CUL9: variants seen among roughly 807,000 people sequenced by gnomAD.
CUL9 encodes cullin 9, also known as cullin-9.
CUL9 carries 79 observed loss-of-function variants against 272.6 expected under a neutral mutation model. The observed-to-expected ratio is 0.29, with a 90% CI of 0.24 to 0.35. The LOEUF (loss-of-function observed/expected upper bound fraction) is 0.35, where lower values mean the gene tolerates loss of function less well. CUL9 is among the 10% of genes least tolerant of loss of function. The probability of loss-of-function intolerance (pLI) is 1.00; values close to 1 mark genes in which losing one functional copy is unlikely to be tolerated. For missense variants in CUL9, 2,532 were observed against 3,255.6 expected (o/e 0.78, Z 5.41); for synonymous variants, 1,186 against 1,286.5 (o/e 0.92, Z 1.67).
At position 43,223,495 on chromosome 6, in the gene CUL9, A is replaced by G; in HGVS notation, c.7284+98A>G. 1 of 1,447,784 alleles carries G rather than the reference A, an allele frequency of 6.9e-7. No individual in the cohort carries two copies. 89.7% of individuals were successfully genotyped at this position (1,447,784 alleles called of 1,614,324 possible). ...CCTGCCCTGGGGCGAGTCCAGAAGGAAAGGCAGCAAAGCGGGTGAATGGAT... is the reference window on the plus strand; with the variant it reads ...CCTGCCCTGGGGCGAGTCCAGAAGGGAAGGCAGCAAAGCGGGTGAATGGAT... On this transcript the variant is annotated intron_variant, in intron 39 of 40. Transcript: ENST00000252050. The surrounding 1 kb of genome is among the most constrained non-coding windows in gnomAD (Gnocchi z 4.1).
rs1428395636 is a variant in CUL9, at chr6:43,206,163, C to G, written c.4950C>G (p.Phe1650Leu). The G allele has an allele frequency of 2.5e-6, 4 of 1,614,040 alleles. No individual in the cohort carries two copies. The highest frequency in any genetic ancestry group is 3.4e-6 in the Non-Finnish European group (4 of 1,179,972). Reference sequence around the variant, plus strand: ...AGCTGCAGCGCCAGTTCCACCTCTTCCAGCTCCAGCGGCTCGACAAGTTGT... The same window carrying G: ...AGCTGCAGCGCCAGTTCCACCTCTTGCAGCTCCAGCGGCTCGACAAGTTGT... Reference protein sequence around the residue: ...SEELQRQFHLFQLQRLDKLFL... With the variant: ...SEELQRQFHLLQLQRLDKLFL... Residue 1650 changes from phenylalanine to leucine, a missense_variant, in exon 25 of 41, where the codon TTC becomes TTG. Around this residue, in one of 3 missense-constraint regions of CUL9, gnomAD observed 2,218 missense variants for 2,788.6 expected, o/e 0.80. Transcript: ENST00000252050. The surrounding 1 kb of genome is among the most constrained non-coding windows in gnomAD (Gnocchi z 4.8).
In CUL9 at chr6:43,224,426, A is replaced by T. The variant is rs143866195; in HGVS notation, c.7535A>T (p.Glu2512Val). ...TFFFGDEEED[E>V]DEAYD The stretch of plus-strand genomic sequence containing the variant: ...TTCTTTGGTGATGAGGAAGAGGATG[A>T]AGATGAGGCCTATGACTGAGGGGGC... The change falls in exon 41 of 41, where the codon GAA becomes GTA. Residue 2512 changes from glutamate (E) to valine (V), a missense_variant. Glu to Val is a moderately radical substitution (Grantham distance 121, BLOSUM62 -2). Transcript: ENST00000252050. The surrounding 1 kb of genome is among the most constrained non-coding windows in gnomAD (Gnocchi z 4.2). 4 of 1,613,834 alleles carry T rather than the reference A, an allele frequency of 2.5e-6. No individual in the cohort carries two copies. In the African/African-American group the frequency reaches 4.0e-5, roughly 16 times the overall value.
At chr6:43,217,642 T>A (rs1050040657) in intron 31 of CUL9, among the ~76,000 whole-genome samples, 3 of 152,348 alleles carry the variant, frequency 2.0e-5, no homozygotes, top group East Asian at 3.9e-4. Context: ...TGTGTGCACG[T>A]GCATGCGTGT....
chr6:43,192,888 G>T, intron 8 of CUL9, 113 bp from the exon 9 acceptor site: 1 of 875,752 alleles, frequency 1.1e-6, no homozygotes, highest in Non-Finnish European at 1.8e-6. Flanking sequence ...GGGCAGAGAG[G>T]ATGGACTAGA....
intron 9 of CUL9, among the ~76,000 whole-genome samples, chr6:43,193,797 G>A (rs1052116199): frequency 6.6e-6 from 1 of 152,194 alleles, no homozygotes; most frequent in Non-Finnish European, 1.5e-5. Flanking sequence ...GTTGCAGGAG[G>A]AGGAGATATG....
At chr6:43,215,435 T>G in intron 30 of CUL9, 109 bp downstream of exon 30, 1 of 1,425,646 alleles carries the variant, frequency 7.0e-7, no homozygotes, top group South Asian at 1.4e-5. Context: ...GATCCCCTTT[T>G]CCCTATCCCT....
intron 1 of CUL9, among the ~76,000 whole-genome samples, 173 bp downstream of exon 1, chr6:43,182,422 C>A (rs1046071430): frequency 6.6e-6 from 1 of 151,792 alleles, no homozygotes; most frequent in African/African-American, 2.4e-5. Context: ...CCCCTCCCCC[C>A]AAACCCGTTC....
rs187083554 is a variant in CUL9 at position 43,223,782 on chromosome 6, A to G, written c.7285-313A>G. 1.2e-3 allele frequency: 621 copies of G among 512,636 alleles called. 1 individual carries two copies. Among genetic ancestry groups the G allele is most frequent in the African/African-American group, 8.9e-3 (465 of 52,298 alleles). 31.8% of individuals were successfully genotyped at this position (512,636 alleles called of 1,614,324 possible). A position where few individuals can be genotyped will look rare whatever the true frequency, so the allele number is the denominator to read the frequency against. On this transcript the variant is annotated intron_variant, in intron 39 of 40. Coordinates refer to ENST00000252050, the MANE Select transcript of CUL9 (RefSeq NM_015089.4). This position sits in a 1 kb window ranked among gnomAD's most constrained non-coding sequence, Gnocchi z 4.1. Reference sequence around the variant, plus strand: ...CTCTCCCAGGCTCTCTCCAGCTCTAATGCACTGATGCTGAGTCTAAACTGT... The same window carrying G: ...CTCTCCCAGGCTCTCTCCAGCTCTAGTGCACTGATGCTGAGTCTAAACTGT...
At position 43,200,896 on chromosome 6, in the gene CUL9, A is replaced by T; in HGVS notation, c.3647+62A>T. 6.3e-7 allele frequency: 1 copy of T among 1,598,884 alleles called. No homozygotes were observed. The highest frequency in any genetic ancestry group is 8.6e-7 in the Non-Finnish European group (1 of 1,167,964). On this transcript the variant is annotated intron_variant, in intron 16 of 40. Transcript: ENST00000252050. The surrounding 1 kb of genome is among the most constrained non-coding windows in gnomAD (Gnocchi z 4.0). Reference sequence around the variant, plus strand: ...CAGGATACTTCCCCAAAGCACCCAGATACACACAACCCCAGCTATAACCCC... The same window carrying T: ...CAGGATACTTCCCCAAAGCACCCAGTTACACACAACCCCAGCTATAACCCC...
chr6:43,190,833 T>G (rs945220850), intron 8 of CUL9, among the ~76,000 whole-genome samples: 2 of 152,218 alleles, frequency 1.3e-5, no homozygotes, highest in Non-Finnish European at 2.9e-5. Flanking sequence ...TCACTGTCAC[T>G]GTTAAGCAAG....
At chr6:43,192,973 G>A (rs752725075) in intron 8 of CUL9, 28 bp from the exon 9 acceptor site, 1 of 1,608,220 alleles carries the variant, frequency 6.2e-7, no homozygotes, top group Non-Finnish European at 8.5e-7. Context: ...CTTGGGATGG[G>A]GAGCCCCAAT....
intron 16 of CUL9, among the ~76,000 whole-genome samples, chr6:43,202,177 G>T (rs555766156): frequency 1.3e-5 from 2 of 152,214 alleles, no homozygotes; most frequent in African/African-American, 4.8e-5. Context: ...TGAGTGCACG[G>T]AAGTTTTATT....
At position 43,220,622 on chromosome 6, in the gene CUL9, G is replaced by C; in HGVS notation, c.6423+23G>C. 4 of 1,613,508 alleles carry C rather than the reference G, an allele frequency of 2.5e-6. No homozygotes were observed. Among genetic ancestry groups the C allele is most frequent in the Non-Finnish European group, 3.4e-6 (4 of 1,179,664 alleles). On this transcript the variant is annotated intron_variant, in intron 32 of 40. Coordinates refer to ENST00000252050, the MANE Select transcript of CUL9 (RefSeq NM_015089.4). This position sits in a 1 kb window ranked among gnomAD's most constrained non-coding sequence, Gnocchi z 4.9. ...AAGGTATCCCCTCTCGTCTGAGAGA[G>C]GCTCCAGTGCAGAGCCAAAGGAGTG...
intron 4 of CUL9, among the ~76,000 whole-genome samples, 165 bp downstream of exon 4, chr6:43,186,620 G>C (rs1434107577): frequency 6.6e-5 from 10 of 152,184 alleles, no homozygotes; most frequent in Admixed American, 6.5e-4. Context: ...TTGGAGGGCT[G>C]AGAAAATCTG....
Position 43,205,943 on chromosome 6 carries a change from G to A in CUL9, c.4794-64G>A, listed in dbSNP as rs552684819. The A allele has an allele frequency of 3.1e-5, 45 of 1,441,658 alleles. 1 individual carries two copies. The South Asian group carries it at 4.4e-4, about 14-fold the overall frequency. 89.3% of individuals were successfully genotyped at this position (1,441,658 alleles called of 1,614,324 possible). On this transcript the variant is annotated intron_variant, in intron 24 of 40. Transcript: ENST00000252050. The stretch of plus-strand genomic sequence containing the variant: ...GAGGGACAGAGGGACCTACATTCTC[G>A]AGGGGGAGGCTGGGCCACGCTGGCA...
intron 4 of CUL9, 103 bp downstream of exon 4, chr6:43,186,558 C>A (rs2150519830): frequency 6.9e-7 from 1 of 1,457,234 alleles, no homozygotes; most frequent in African/African-American, 1.4e-5. Flanking sequence ...AAGAAGAACC[C>A]CCCTGGGGAA....
chr6:43,204,102 C>G, intron 20 of CUL9, 115 bp downstream of exon 20: 1 of 1,344,090 alleles, frequency 7.4e-7, no homozygotes, highest in East Asian at 2.5e-5. Flanking sequence ...GAAGGCCTGT[C>G]ACCTCAGTGT....
chr6:43,184,305 G>A lies in CUL9; in HGVS notation c.-6G>A. On this transcript the variant is annotated 5_prime_UTR_variant, in exon 2 of 41. Coordinates refer to ENST00000252050, the MANE Select transcript of CUL9 (RefSeq NM_015089.4). The surrounding 1 kb of genome is among the most constrained non-coding windows in gnomAD (Gnocchi z 4.8). ...TCTTTCTCCTTGTGTATCCCAGGAG[G>A]TCAGGATGGTGGGGGAACGGCATGC... The A allele has an allele frequency of 6.7e-7, 1 of 1,492,744 alleles. No individual in the cohort carries two copies. Among genetic ancestry groups the A allele is most frequent in the Non-Finnish European group, 9.0e-7 (1 of 1,116,898 alleles). The allele number at this position is 1,492,744 out of a possible 1,614,324, so 92.5% of individuals were successfully genotyped here.
In CUL9 at chr6:43,206,421, C is replaced by T; in HGVS notation, c.5123C>T (p.Ser1708Phe). ...CTGTCACCACGCTGCTGGCCCGTCT[C>T]CCCACTCTGCTACCTGTACCATCCC... ...LVLSPRCWPV[S>F]PLCYLYHPRK... The change falls in exon 26 of 41, where the codon TCC (serine) becomes TTC (phenylalanine). Residue 1708 changes from serine to phenylalanine, a missense_variant. This residue lies in a region of CUL9 where 2,218 missense variants were observed against 2,788.6 expected (regional missense o/e 0.80). Transcript: ENST00000252050. This position sits in a 1 kb window ranked among gnomAD's most constrained non-coding sequence, Gnocchi z 4.8. 1 of 1,614,196 alleles carries T rather than the reference C, an allele frequency of 6.2e-7. No homozygotes were observed. Among genetic ancestry groups the T allele is most frequent in the South Asian group, 1.1e-5 (1 of 91,080 alleles).
Sources: allele counts gnomAD v4.1 joint callset (sites outside exome capture counted in the v4.1 genomes callset), GRCh38; gene constraint gnomAD v4.1.1; regional missense constraint gnomAD v4.1.1; non-coding constraint Gnocchi (gnomAD v3.1); transcripts MANE v1.5; gene names NCBI Gene and HGNC (gene_info 2026-07-23, HGNC 2026-07-21).